Variants in RAPGEF1 observed in about 807,000 individuals in gnomAD.
RAPGEF1 encodes the protein CRK SH3-binding GNRP.
Under a neutral mutation model 143.3 loss-of-function variants are expected in RAPGEF1, and 33 were observed. The ratio of observed to expected loss-of-function variants is 0.23; its 90% CI spans 0.17 to 0.31. The LOEUF is 0.31. Ranked by LOEUF, RAPGEF1 falls within the 10% of genes least tolerant of loss-of-function variation. RAPGEF1 has a pLI of 1.00. For synonymous variants in RAPGEF1, 629 were observed against 676.5 expected (o/e 0.93, Z 1.09); for missense variants, 1,199 against 1,645.4 (o/e 0.73, Z 4.69).
At chr9:131,718,547 A>G (rs1836029773) in intron 1 of RAPGEF1, among the ~76,000 whole-genome samples, 2 of 152,224 alleles carry the variant, frequency 1.3e-5, no homozygotes, top group Admixed American at 1.3e-4. Flanking sequence ...AGGACCAGTC[A>G]GGATTTATTG....
Position 131,638,746 on chromosome 9 carries a change from G to C in RAPGEF1, c.540C>G (p.Ala180=), listed in dbSNP as rs778769613. Residue 180 remains alanine (A), a synonymous_variant, in exon 5 of 27, where the codon GCC becomes GCG. Transcript: ENST00000683357. ...SCYSRVYQSL[A]NLIRWSDQVM... is the part of the protein sequence containing the mutation. ...CTTGGTCAGACCAGCGAATGAGGTTGGCGAGGCTTTGGTACACTCGGCTAT... is the reference window on the plus strand; with the variant it reads ...CTTGGTCAGACCAGCGAATGAGGTTCGCGAGGCTTTGGTACACTCGGCTAT... The C allele has an allele frequency of 6.2e-7, 1 of 1,613,990 alleles. No individual in the cohort carries two copies. Among genetic ancestry groups the C allele is most frequent in the South Asian group, 1.1e-5 (1 of 91,080 alleles).
intron 5 of RAPGEF1, among the ~76,000 whole-genome samples, chr9:131,634,142 ACTCCGG>A (rs1965689985): frequency 6.6e-6 from 1 of 151,862 alleles, no homozygotes; most frequent in African/African-American, 2.4e-5. Flanking sequence ...GGTCCCAGCT[ACTCCGG>A]AGGCTGAGGC....
intron 16 of RAPGEF1, among the ~76,000 whole-genome samples, 198 bp downstream of exon 16, chr9:131,598,001 T>A (rs532487222): frequency 1.3e-5 from 2 of 152,258 alleles, no homozygotes; most frequent in East Asian, 3.9e-4. Flanking sequence ...TCTATAAGCA[T>A]CAGAAGGAGA....
intron 1 of RAPGEF1, among the ~76,000 whole-genome samples, chr9:131,707,077 G>A (rs1345857847): frequency 2.0e-5 from 3 of 152,214 alleles, no homozygotes; most frequent in Non-Finnish European, 4.4e-5. Context: ...CAATCCAAAC[G>A]TAAGTAAACA....
rs1025831519 is a variant in RAPGEF1 at position 131,628,149 on chromosome 9, C to T, written c.1018-53G>A. On this transcript the variant is annotated intron_variant, in intron 8 of 26. Transcript: ENST00000683357. This position sits in a 1 kb window ranked among gnomAD's most constrained non-coding sequence, Gnocchi z 5.7. ...AAATCACTTCTGAGAAACGGTGGCA[C>T]AGACCAGGGGTGAGGCAACCGGTGC... is the stretch of plus-strand genomic sequence containing the variant. 7 of 1,455,708 alleles carry T rather than the reference C, an allele frequency of 4.8e-6. No individual in the cohort carries two copies. The highest frequency in any genetic ancestry group is 5.5e-6 in the Non-Finnish European group (6 of 1,095,996). The allele number at this position is 1,455,708 out of a possible 1,614,324, so 90.2% of individuals were successfully genotyped here.
chr9:131,691,875 A>C (rs928452619), intron 1 of RAPGEF1, among the ~76,000 whole-genome samples: 3 of 152,210 alleles, frequency 2.0e-5, no homozygotes, highest in Non-Finnish European at 2.9e-5. Context: ...ATTAAAAAAA[A>C]CACCTTTTTC....
intron 1 of RAPGEF1, among the ~76,000 whole-genome samples, chr9:131,684,380 A>G (rs1589000365): frequency 6.6e-6 from 1 of 152,350 alleles, no homozygotes; most frequent in East Asian, 1.9e-4. Flanking sequence ...TTAAAACAAT[A>G]ATGCCCCAGG....
chr9:131,639,868 T>C (rs561584672), intron 4 of RAPGEF1, among the ~76,000 whole-genome samples: 1 of 152,344 alleles, frequency 6.6e-6, no homozygotes, highest in South Asian at 2.1e-4. Flanking sequence ...CAAATAGTGC[T>C]TTAATGAGAA....
intron 12 of RAPGEF1, among the ~76,000 whole-genome samples, chr9:131,614,265 A>G (rs913829220): frequency 1.3e-5 from 2 of 152,230 alleles, no homozygotes; most frequent in Admixed American, 6.5e-5. Flanking sequence ...CAAAAAGCCA[A>G]TGAGACAAGA....
At chr9:131,709,583 T>TG in intron 1 of RAPGEF1, 1 of 1,605,044 alleles carries the variant, frequency 6.2e-7, no homozygotes, top group Admixed American at 1.7e-5. Flanking sequence ...ACTGCCTCCT[T>TG]GCTTCTTCCT....
intron 1 of RAPGEF1, among the ~76,000 whole-genome samples, chr9:131,715,863 C>CA (rs145340457): frequency 0.13 from 9,156 of 71,922 alleles, 570 homozygotes; most frequent in East Asian, 0.3. Context: ...GACTCCCTCT[C>CA]AAAAAAAAAA....
intron 16 of RAPGEF1, among the ~76,000 whole-genome samples, chr9:131,597,007 C>T (rs1955418250): frequency 6.6e-6 from 1 of 152,200 alleles, no homozygotes. Flanking sequence ...TCTTAAGAAG[C>T]AAGTCTTGCT....
chr9:131,580,194 G>A (rs1033280300), intron 26 of RAPGEF1, 69 bp downstream of exon 26: 22 of 1,582,586 alleles, frequency 1.4e-5, no homozygotes, highest in South Asian at 5.6e-5. Context: ...TCGGTGTCCC[G>A]GGCTGTCTCT....
intron 1 of RAPGEF1, among the ~76,000 whole-genome samples, chr9:131,690,428 A>G (rs1016757872): frequency 1.3e-5 from 2 of 152,242 alleles, no homozygotes; most frequent in African/African-American, 4.8e-5. Context: ...TCGAGCTAAA[A>G]TTAAAAGGAA....
In RAPGEF1 at chr9:131,592,079, G is replaced by A; in HGVS notation, c.2774+20C>T. ...AAATGCCCATGGTGCAGGGGCCCTG[G>A]GTCAGGAAGGAAAGGATATCTGTAC... is the stretch of plus-strand genomic sequence containing the variant. On this transcript the variant is annotated intron_variant, in intron 18 of 26. Transcript: ENST00000683357. The A allele has an allele frequency of 6.3e-7, 1 of 1,579,804 alleles. No homozygotes were observed. The highest frequency in any genetic ancestry group is 8.7e-7 in the Non-Finnish European group (1 of 1,149,256).
In RAPGEF1 at chr9:131,577,349, G is replaced by C. The variant is rs889897302; in HGVS notation, c.*2148C>G. ...TGGGGCCAGGCACAGGGTCTGTTCT[G>C]AATTCAGGGAAGGTGAAGAGACCCC... On this transcript the variant is annotated 3_prime_UTR_variant, in exon 27 of 27. Coordinates refer to ENST00000683357, the MANE Select transcript of RAPGEF1 (RefSeq NM_001377935.1). The C allele has an allele frequency of 3.3e-5, 5 of 152,328 alleles. No individual in the cohort carries two copies. Among genetic ancestry groups the C allele is most frequent in the Non-Finnish European group, 5.9e-5 (4 of 68,096 alleles). 9.4% of individuals were successfully genotyped at this position (152,328 alleles called of 1,614,324 possible).
intron 5 of RAPGEF1, among the ~76,000 whole-genome samples, chr9:131,630,551 C>T (rs1191125239): frequency 6.6e-6 from 1 of 152,188 alleles, no homozygotes; most frequent in Non-Finnish European, 1.5e-5. Flanking sequence ...GTTTCAAATG[C>T]GTAAAGGCAC....
chr9:131,616,947 A>T (rs1184514178), intron 12 of RAPGEF1, among the ~76,000 whole-genome samples: 1 of 152,182 alleles, frequency 6.6e-6, no homozygotes, highest in Non-Finnish European at 1.5e-5. Flanking sequence ...TTTTAATGAC[A>T]TAAGGACCTT....
chr9:131,638,728 A>T lies in RAPGEF1; in HGVS notation c.558T>A (p.Ser186=). The T allele has an allele frequency of 6.2e-7, 1 of 1,614,056 alleles. No homozygotes were observed. The highest frequency in any genetic ancestry group is 8.5e-7 in the Non-Finnish European group (1 of 1,179,894). The change falls in exon 5 of 27, where the codon TCT becomes TCA. Residue 186 remains serine, a synonymous_variant. Coordinates refer to ENST00000683357, the MANE Select transcript of RAPGEF1 (RefSeq NM_001377935.1). ...TCACGCCTTCCAGCATCACTTGGTC[A>T]GACCAGCGAATGAGGTTGGCGAGGC... is the stretch of plus-strand genomic sequence containing the variant. ...YQSLANLIRW[S]DQVMLEGVNS... is the part of the protein sequence containing the mutation.
Sources: gnomAD v4.1 joint callset for allele counts (sites outside exome capture counted in the v4.1 genomes callset) on GRCh38, gnomAD v4.1.1 for gene constraint, Gnocchi (gnomAD v3.1) non-coding constraint, MANE v1.5 for transcripts, NCBI Gene and HGNC (gene_info 2026-07-23, HGNC 2026-07-21) for gene names.